SLC22A23: variants seen among roughly 807,000 people sequenced by gnomAD.
SLC22A23 encodes ion transporter protein.
SLC22A23 carries 26 observed loss-of-function variants against 61.0 expected under a neutral mutation model. The ratio of observed to expected loss-of-function variants is 0.43; its 90% CI spans 0.31 to 0.59. The LOEUF (loss-of-function observed/expected upper bound fraction) is 0.59. SLC22A23 is among the 20% of genes least tolerant of loss of function. SLC22A23 has a pLI of 0.11. For synonymous variants in SLC22A23, 430 were observed against 413.9 expected (o/e 1.04, Z -0.47); for missense variants, 796 against 934.7 (o/e 0.85, Z 1.94).
rs1421493811 is a variant in SLC22A23 at position 3,272,713 on chromosome 6, G to T, written c.*342C>A. The T allele has an allele frequency of 5.5e-6, 1 of 182,748 alleles. No homozygotes were observed. Among genetic ancestry groups the T allele is most frequent in the Admixed American group, 5.7e-5 (1 of 17,602 alleles). 11.3% of individuals were successfully genotyped at this position (182,748 alleles called of 1,614,324 possible). ...GACCGGCCATGGCCCTGGTCACTGTGGCATCTTCCCAGAGCAACTGCGTCT... is the reference window on the plus strand; with the variant it reads ...GACCGGCCATGGCCCTGGTCACTGTTGCATCTTCCCAGAGCAACTGCGTCT... On this transcript the variant is annotated 3_prime_UTR_variant, in exon 10 of 10. Transcript: ENST00000406686.
intron 3 of SLC22A23, among the ~76,000 whole-genome samples, chr6:3,361,461 G>A (rs1206431484): frequency 1.3e-5 from 2 of 152,162 alleles, no homozygotes; most frequent in African/African-American, 4.8e-5. Context: ...ACAGAGAGAG[G>A]GGTCCAAAGT....
At position 3,391,504 on chromosome 6, in the gene SLC22A23, C is replaced by T. The variant is rs112870067; in HGVS notation, c.913+18684G>A. Among the ~76,000 whole-genome samples the T allele has an allele frequency of 1.4e-3, 212 of 152,336 alleles. 3 individuals carry two copies. The highest frequency in any genetic ancestry group is 4.9e-3 in the African/African-American group (205 of 41,574). ...TATTCTGCAATACTGCGGCACAGAT[C>T]TTCATCGTGTTCCATGAATTCATTC... On this transcript the variant is annotated intron_variant, in intron 3 of 9. Coordinates refer to ENST00000406686, the MANE Select transcript of SLC22A23 (RefSeq NM_015482.2).
At chr6:3,412,478 A>G (rs1050284892) in intron 2 of SLC22A23, among the ~76,000 whole-genome samples, 5 of 152,198 alleles carry the variant, frequency 3.3e-5, no homozygotes, top group African/African-American at 1.2e-4. Flanking sequence ...CGTTCAATAC[A>G]TGTTAGTTAC....
At position 3,414,697 on chromosome 6, in the gene SLC22A23, C is replaced by T. The variant is rs544607229; in HGVS notation, c.758+1055G>A. ...ATATCACTCTGGGCCCTTATTTCCT[C>T]AAGGCCAAGATGTCTCGATTCACCA... On this transcript the variant is annotated intron_variant, in intron 2 of 9. Transcript: ENST00000406686. This position sits in a 1 kb window ranked among gnomAD's most constrained non-coding sequence, Gnocchi z 5.1. 8.2e-6 allele frequency among the ~76,000 whole-genome samples: 1 copy of T among 121,448 alleles called. No homozygotes were observed. Among genetic ancestry groups the T allele is most frequent in the Admixed American group, 1.0e-4 (1 of 9,546 alleles). 79.7% of individuals were successfully genotyped at this position (121,448 alleles called of 152,430 possible).
At chr6:3,389,877 C>T (rs980864889) in intron 3 of SLC22A23, among the ~76,000 whole-genome samples, 12 of 152,242 alleles carry the variant, frequency 7.9e-5, no homozygotes, top group Non-Finnish European at 1.0e-4. Flanking sequence ...TAGTGGAGAA[C>T]GGCCTTGCTG....
At chr6:3,289,968 A>T in intron 5 of SLC22A23, 102 bp from the exon 6 acceptor site, 1 of 683,474 alleles carries the variant, frequency 1.5e-6, no homozygotes, top group Non-Finnish European at 2.5e-6. Context: ...GTACCACAGA[A>T]GGGAGAGAGA....
chr6:3,363,828 A>G (rs9503558), intron 3 of SLC22A23, among the ~76,000 whole-genome samples: 106,879 of 152,224 alleles, frequency 0.7, 37,762 homozygotes, highest in East Asian at 0.84. Flanking sequence ...CCCTGCCCCC[A>G]TCCTGGTCCT....
intron 8 of SLC22A23, among the ~76,000 whole-genome samples, chr6:3,284,657 T>C (rs1759800841): frequency 6.6e-6 from 1 of 152,166 alleles, no homozygotes; most frequent in Admixed American, 6.5e-5. Flanking sequence ...GCTGTCCCCA[T>C]GGGCTGCAGG....
chr6:3,361,036 T>C (rs1205369433), intron 3 of SLC22A23, among the ~76,000 whole-genome samples: 1 of 149,906 alleles, frequency 6.7e-6, no homozygotes, highest in African/African-American at 2.5e-5. Flanking sequence ...TCCTGTTGTT[T>C]GTATATTTTC....
Position 3,324,242 on chromosome 6 carries a change from G to A in SLC22A23, c.914-240C>T, listed in dbSNP as rs1235874999. On this transcript the variant is annotated intron_variant, in intron 3 of 9. Coordinates refer to ENST00000406686, the MANE Select transcript of SLC22A23 (RefSeq NM_015482.2). This position sits in a 1 kb window ranked among gnomAD's most constrained non-coding sequence, Gnocchi z 4.3. Reference sequence around the variant, plus strand: ...CAGGGCTAGTCGATGACGAAGGGATGCTATAATTCAGAGGAGCTTAGCTCA... The same window carrying A: ...CAGGGCTAGTCGATGACGAAGGGATACTATAATTCAGAGGAGCTTAGCTCA... The A allele has an allele frequency of 7.4e-6, 4 of 538,146 alleles. No individual in the cohort carries two copies. The highest frequency in any genetic ancestry group is 1.0e-5 in the Non-Finnish European group (3 of 301,482). The allele number at this position is 538,146 out of a possible 1,614,324, so 33.3% of individuals were successfully genotyped here. A position where few individuals can be genotyped will look rare whatever the true frequency, so the allele number is the denominator to read the frequency against.
At chr6:3,337,726 G>T (rs1763937014) in intron 3 of SLC22A23, among the ~76,000 whole-genome samples, 1 of 152,186 alleles carries the variant, frequency 6.6e-6, no homozygotes, top group Non-Finnish European at 1.5e-5. Flanking sequence ...CACAGGCTGG[G>T]CTCGGCCTTG....
At chr6:3,301,065 T>C (rs1164764922) in intron 4 of SLC22A23, among the ~76,000 whole-genome samples, 1 of 152,126 alleles carries the variant, frequency 6.6e-6, no homozygotes, top group East Asian at 1.9e-4. Context: ...AATAACATAA[T>C]CCAAGGAAAT....
intron 4 of SLC22A23, among the ~76,000 whole-genome samples, chr6:3,314,222 C>T (rs1430064091): frequency 6.6e-6 from 1 of 152,246 alleles, no homozygotes; most frequent in Non-Finnish European, 1.5e-5. Context: ...GGATTCCTCC[C>T]AGGACAGAAG....
intron 3 of SLC22A23, among the ~76,000 whole-genome samples, chr6:3,366,332 C>CAAAAAAAAAAAAA (rs11387672): frequency 2.0e-4 from 15 of 74,154 alleles, no homozygotes; most frequent in African/African-American, 6.9e-4. Context: ...GACTCTGTCT[C>CAAAAAAAAAAAAA]AAAAAAAAAA....
At chr6:3,284,168 G>A in intron 8 of SLC22A23, 193 bp from the exon 9 acceptor site, 5 of 512,272 alleles carry the variant, frequency 9.8e-6, no homozygotes, top group Non-Finnish European at 1.4e-5. Context: ...GGGTTTTGTG[G>A]GGCTTCTATG....
Position 3,324,164 on chromosome 6 carries a change from G to T in SLC22A23, c.914-162C>A. On this transcript the variant is annotated intron_variant, in intron 3 of 9. Transcript: ENST00000406686. The surrounding 1 kb of genome is among the most constrained non-coding windows in gnomAD (Gnocchi z 4.3). ...CCTATGTGGTGTGCCAGTGTTTTACGGGCGCGTTGAGGCTCCAACTGGGAA... is the reference window on the plus strand; with the variant it reads ...CCTATGTGGTGTGCCAGTGTTTTACTGGCGCGTTGAGGCTCCAACTGGGAA... 1 of 835,746 alleles carries T rather than the reference G, an allele frequency of 1.2e-6. No homozygotes were observed. The highest frequency in any genetic ancestry group is 1.8e-5 in the South Asian group (1 of 54,348). The allele number at this position is 835,746 out of a possible 1,614,324, so 51.8% of individuals were successfully genotyped here. A position where few individuals can be genotyped will look rare whatever the true frequency, so the allele number is the denominator to read the frequency against.
At chr6:3,397,131 G>T (rs752272537) in intron 3 of SLC22A23, among the ~76,000 whole-genome samples, 23 of 152,204 alleles carry the variant, frequency 1.5e-4, no homozygotes, top group Admixed American at 2.6e-4. Context: ...GGCACTGGAA[G>T]AGTGACCCAC....
intron 4 of SLC22A23, among the ~76,000 whole-genome samples, chr6:3,307,656 T>A (rs201366546): frequency 6.6e-6 from 1 of 151,916 alleles, no homozygotes; most frequent in Non-Finnish European, 1.5e-5. Context: ...CACACCACGG[T>A]AGGTGCATGC....
chr6:3,444,877 G>A (rs557114106), intron 1 of SLC22A23: 1 of 985,580 alleles, frequency 1.0e-6, no homozygotes, highest in Non-Finnish European at 1.2e-6. Context: ...CAGCGCCCAA[G>A]GAATAAATCG....
Sources: gnomAD v4.1 joint callset for allele counts (sites outside exome capture counted in the v4.1 genomes callset) on GRCh38, gnomAD v4.1.1 for gene constraint, Gnocchi (gnomAD v3.1) non-coding constraint, MANE v1.5 for transcripts, NCBI Gene and HGNC (gene_info 2026-07-23, HGNC 2026-07-21) for gene names.